The following NXPH1 variants were observed in gnomAD, a reference collection of about 807,000 sequenced individuals.
NXPH1 encodes neurexophilin-1.
In NXPH1, 5 loss-of-function variants were observed where a neutral mutation model predicts 23.7. The ratio of observed to expected loss-of-function variants is 0.21; its 90% CI spans 0.11 to 0.44. NXPH1 has a LOEUF of 0.44. Ranked by LOEUF, NXPH1 falls within the 20% of genes least tolerant of loss-of-function variation. The pLI is 0.99. For synonymous variants in NXPH1, 144 were observed against 122.2 expected (o/e 1.18, Z -1.18); for missense variants, 324 against 321.6 (o/e 1.01, Z -0.06).
chr7:8,509,709 T>G (rs1817583906), intron 2 of NXPH1, among the ~76,000 whole-genome samples: 1 of 152,088 alleles, frequency 6.6e-6, no homozygotes, highest in Non-Finnish European at 1.5e-5. Flanking sequence ...GTCTATTTGG[T>G]GTGATCTGAG....
intron 2 of NXPH1, among the ~76,000 whole-genome samples, chr7:8,517,863 C>T (rs923028217): frequency 1.3e-5 from 2 of 152,184 alleles, no homozygotes; most frequent in East Asian, 1.9e-4. Flanking sequence ...TCTGAAGAAC[C>T]GTTAGGAGTG....
chr7:8,676,218 A>T (rs984387555), intron 2 of NXPH1, among the ~76,000 whole-genome samples: 1 of 152,188 alleles, frequency 6.6e-6, no homozygotes, highest in Non-Finnish European at 1.5e-5. Context: ...TACGTCTAAG[A>T]TGTGTGTTAT....
intron 2 of NXPH1, among the ~76,000 whole-genome samples, chr7:8,531,476 C>T (rs1817948904): frequency 6.6e-6 from 1 of 152,136 alleles, no homozygotes; most frequent in South Asian, 2.1e-4. Flanking sequence ...TCAGCGATCT[C>T]TTCTGTGAGC....
chr7:8,570,265 TA>T (rs1818619594), intron 2 of NXPH1, among the ~76,000 whole-genome samples: 1 of 151,944 alleles, frequency 6.6e-6, no homozygotes, highest in Non-Finnish European at 1.5e-5. Context: ...TAAAGTGAGA[TA>T]TGATAATGGA....
chr7:8,434,543 T>A lies in NXPH1; in HGVS notation c.-323T>A, dbSNP rs1816154215. The A allele has an allele frequency of 6.5e-6, 1 of 152,796 alleles. No homozygotes were observed. The highest frequency in any genetic ancestry group is 1.5e-5 in the Non-Finnish European group (1 of 68,168). The allele number at this position is 152,796 out of a possible 1,614,324, so 9.5% of individuals were successfully genotyped here. On this transcript the variant is annotated 5_prime_UTR_variant, in exon 1 of 3. Transcript: ENST00000405863. This position sits in a 1 kb window ranked among gnomAD's most constrained non-coding sequence, Gnocchi z 7.6. ...GAATCCAACTGTGCCAAGCCTTGGC[T>A]CCCGCGAACCAATCCTGAGCGCGAC...
chr7:8,462,699 C>G (rs1279414656), intron 2 of NXPH1, among the ~76,000 whole-genome samples: 1 of 152,102 alleles, frequency 6.6e-6, no homozygotes, highest in Non-Finnish European at 1.5e-5. Context: ...ATAGATATCT[C>G]AAAACAACAT....
chr7:8,732,700 A>T (rs1780179285), intron 2 of NXPH1, among the ~76,000 whole-genome samples: 1 of 152,124 alleles, frequency 6.6e-6, no homozygotes, highest in South Asian at 2.1e-4. Flanking sequence ...GATACGCCTT[A>T]TAACTTTTAA....
At chr7:8,738,580 C>G (rs1332102158) in intron 2 of NXPH1, among the ~76,000 whole-genome samples, 1 of 152,130 alleles carries the variant, frequency 6.6e-6, no homozygotes, top group African/African-American at 2.4e-5. Flanking sequence ...GGGGTATCTC[C>G]CAGTCAGGAG....
At chr7:8,466,019 G>A (rs568480253) in intron 2 of NXPH1, among the ~76,000 whole-genome samples, 29 of 152,124 alleles carry the variant, frequency 1.9e-4, no homozygotes, top group African/African-American at 4.6e-4. Flanking sequence ...TCCTTGACTC[G>A]CTTTAATTCA....
chr7:8,610,394 T>A (rs1819590156), intron 2 of NXPH1, among the ~76,000 whole-genome samples: 1 of 152,192 alleles, frequency 6.6e-6, no homozygotes, highest in Non-Finnish European at 1.5e-5. Flanking sequence ...TTTCCAGATC[T>A]TCATTCCTCA....
At chr7:8,722,872 A>T (rs1456108348) in intron 2 of NXPH1, among the ~76,000 whole-genome samples, 6 of 152,164 alleles carry the variant, frequency 3.9e-5, no homozygotes, top group Non-Finnish European at 4.4e-5. Context: ...AATATGTTCA[A>T]TGGCCCCTTC....
chr7:8,492,598 A>C (rs924332491), intron 2 of NXPH1, among the ~76,000 whole-genome samples: 1 of 152,064 alleles, frequency 6.6e-6, no homozygotes, highest in Non-Finnish European at 1.5e-5. Flanking sequence ...TACACAATCA[A>C]CTGGTATGTA....
chr7:8,709,178 G>C (rs1779748636), intron 2 of NXPH1, among the ~76,000 whole-genome samples: 1 of 152,142 alleles, frequency 6.6e-6, no homozygotes, highest in African/African-American at 2.4e-5. Context: ...TTGATTGTTG[G>C]TTGATCTCAT....
At chr7:8,617,007 G>C (rs1360059965) in intron 2 of NXPH1, among the ~76,000 whole-genome samples, 2 of 152,076 alleles carry the variant, frequency 1.3e-5, no homozygotes, top group African/African-American at 2.4e-5. Context: ...TAAGAAAGGA[G>C]CGGATTGTTT....
At position 8,565,460 on chromosome 7, in the gene NXPH1, C is replaced by G. The variant is rs1009324487; in HGVS notation, c.54+129693C>G. ...AATCTGATTCAAGAGCTTATGCAAT[C>G]CTTAGAATGGGACTATTTCTATAGA... On this transcript the variant is annotated intron_variant, in intron 2 of 2. Coordinates refer to ENST00000405863, the MANE Select transcript of NXPH1 (RefSeq NM_152745.3). Among the ~76,000 whole-genome samples, 3 of 150,768 alleles carry G rather than the reference C, an allele frequency of 2.0e-5. No homozygotes were observed. The South Asian group carries it at 6.3e-4, about 31-fold the overall frequency.
At chr7:8,573,977 T>G (rs576621851) in intron 2 of NXPH1, among the ~76,000 whole-genome samples, 74 of 152,232 alleles carry the variant, frequency 4.9e-4, no homozygotes, top group Non-Finnish European at 2.6e-4. Flanking sequence ...AGGTGTACTC[T>G]GGTGGTATAC....
chr7:8,744,187 A>T (rs866985089), intron 2 of NXPH1, among the ~76,000 whole-genome samples: 1 of 152,228 alleles, frequency 6.6e-6, no homozygotes, highest in African/African-American at 2.4e-5. Context: ...TTAAAAATGC[A>T]TACACTTATG....
chr7:8,439,400 CAGTT>C (rs1291454984), intron 2 of NXPH1, among the ~76,000 whole-genome samples: 1 of 152,086 alleles, frequency 6.6e-6, no homozygotes, highest in Non-Finnish European at 1.5e-5. Flanking sequence ...TGGTAACTCT[CAGTT>C]AGAGAGGTGA....
intron 2 of NXPH1, among the ~76,000 whole-genome samples, chr7:8,626,059 T>A (rs2115129380): frequency 6.6e-6 from 1 of 152,276 alleles, no homozygotes; most frequent in African/African-American, 2.4e-5. Flanking sequence ...AAATACAAGA[T>A]GTTATTTTTT....
Sources: gnomAD v4.1 joint callset for allele counts (sites outside exome capture counted in the v4.1 genomes callset) on GRCh38, gnomAD v4.1.1 for gene constraint, Gnocchi (gnomAD v3.1) non-coding constraint, MANE v1.5 for transcripts, NCBI Gene and HGNC (gene_info 2026-07-23, HGNC 2026-07-21) for gene names.